TMPRSS11D: variants seen among roughly 807,000 people sequenced by gnomAD.
TMPRSS11D encodes the protein transmembrane protease serine 11D.
A neutral mutation model predicts 44.4 loss-of-function variants in TMPRSS11D; 32 were observed. The ratio of observed to expected loss-of-function variants is 0.72; its 90% CI spans 0.54 to 0.97. The LOEUF (loss-of-function observed/expected upper bound fraction) is 0.97, where lower values mean the gene tolerates loss of function less well. Ranked by LOEUF, TMPRSS11D falls within the 50% of genes least tolerant of loss-of-function variation. The pLI, the probability that TMPRSS11D is intolerant of heterozygous loss-of-function variation, is 0.00. For missense variants in TMPRSS11D, 446 were observed against 502.6 expected, an observed-to-expected ratio of 0.89 and a Z score of 1.08; for synonymous variants, 179 against 177.9, an observed-to-expected ratio of 1.01 and a Z score of -0.05.
chr4:67,850,945 G>A (rs925957766), intron 3 of TMPRSS11D, among the ~76,000 whole-genome samples: 1 of 152,128 alleles, frequency 6.6e-6, no homozygotes. Context: ...GATCTCACTG[G>A]ACCCATGTGG....
At chr4:67,878,898 C>A (rs1452919713) in intron 1 of TMPRSS11D, among the ~76,000 whole-genome samples, 1 of 152,054 alleles carries the variant, frequency 6.6e-6, no homozygotes, top group Non-Finnish European at 1.5e-5. Context: ...TGCACTCCAG[C>A]CTTGGGGAGA....
chr4:67,832,367 A>C (rs1717967300), intron 7 of TMPRSS11D, among the ~76,000 whole-genome samples: 1 of 152,110 alleles, frequency 6.6e-6, no homozygotes, highest in Non-Finnish European at 1.5e-5. Flanking sequence ...CCCCAGTAAC[A>C]AGGCAGGTTT....
In TMPRSS11D at chr4:67,873,842, C is replaced by G. The variant is rs74477273; in HGVS notation, c.8+10084G>C. On this transcript the variant is annotated intron_variant, in intron 1 of 9. Transcript: ENST00000283916. ...TACTGAAGGCATAATAGATCCTTCT[C>G]TGTTTCCTAAAGCCCAAGTAAATAG... 3.6e-3 allele frequency among the ~76,000 whole-genome samples: 549 copies of G among 152,180 alleles called. 2 individuals carry two copies. Among genetic ancestry groups the G allele is most frequent in the African/African-American group, 0.012 (513 of 41,514 alleles).
intron 1 of TMPRSS11D, among the ~76,000 whole-genome samples, chr4:67,868,813 G>C (rs1012481543): frequency 2.0e-5 from 3 of 152,220 alleles, no homozygotes; most frequent in African/African-American, 7.2e-5. Flanking sequence ...CAAGAGGCGG[G>C]AGTTATGAGG....
In TMPRSS11D at chr4:67,849,634, T is replaced by C. The variant is rs1718446206; in HGVS notation, c.249+4434A>G. On this transcript the variant is annotated intron_variant, in intron 3 of 9. Coordinates refer to ENST00000283916, the MANE Select transcript of TMPRSS11D (RefSeq NM_004262.3). ...AGATTTTTTGTGTAAGAATGTACTATAGAAATTATCTAGTCCAACTATTTT... is the reference window on the plus strand; with the variant it reads ...AGATTTTTTGTGTAAGAATGTACTACAGAAATTATCTAGTCCAACTATTTT... 2.0e-5 allele frequency among the ~76,000 whole-genome samples: 3 copies of C among 152,334 alleles called. No homozygotes were observed. In the South Asian group the frequency reaches 6.2e-4, roughly 32 times the overall value.
chr4:67,843,352 G>A (rs969488236), intron 3 of TMPRSS11D, among the ~76,000 whole-genome samples: 2 of 151,920 alleles, frequency 1.3e-5, no homozygotes, highest in East Asian at 1.9e-4. Context: ...ATAAGACCTC[G>A]TATTTAATAG....
intron 9 of TMPRSS11D, among the ~76,000 whole-genome samples, chr4:67,824,638 T>G (rs566198903): frequency 2.1e-4 from 32 of 152,240 alleles, no homozygotes; most frequent in African/African-American, 7.5e-4. Context: ...AATGTTTCAT[T>G]TTGGGAAATG....
intron 1 of TMPRSS11D, among the ~76,000 whole-genome samples, chr4:67,863,852 T>A (rs1718853491): frequency 6.6e-6 from 1 of 152,078 alleles, no homozygotes; most frequent in African/African-American, 2.4e-5. Context: ...TAGAGGCAAC[T>A]GAAGTATAAC....
chr4:67,840,295 A>G (rs7654481), intron 4 of TMPRSS11D, among the ~76,000 whole-genome samples: 104,352 of 151,824 alleles, frequency 0.69, 39,339 homozygotes, highest in Middle Eastern at 0.83. Context: ...TCTTTCTTAC[A>G]TGGTGGCAGG....
At chr4:67,874,905 T>A (rs1485274290) in intron 1 of TMPRSS11D, among the ~76,000 whole-genome samples, 1 of 152,202 alleles carries the variant, frequency 6.6e-6, no homozygotes, top group South Asian at 2.1e-4. Context: ...ATCATAATTG[T>A]TCTCATAGAA....
chr4:67,862,912 T>G (rs6810915), intron 1 of TMPRSS11D, among the ~76,000 whole-genome samples: 2 of 148,674 alleles, frequency 1.3e-5, no homozygotes, highest in African/African-American at 2.5e-5. Context: ...TGTTGTGGGG[T>G]GGGGGAGAGG....
At chr4:67,857,148 A>G (rs1718657871) in intron 2 of TMPRSS11D, among the ~76,000 whole-genome samples, 2 of 151,996 alleles carry the variant, frequency 1.3e-5, no homozygotes, top group Non-Finnish European at 2.9e-5. Context: ...ATCCAAAGGA[A>G]AAGAAATCAC....
At chr4:67,823,832 T>TC (rs1560535242) in intron 9 of TMPRSS11D, among the ~76,000 whole-genome samples, 1 of 151,904 alleles carries the variant, frequency 6.6e-6, no homozygotes, top group Non-Finnish European at 1.5e-5. Context: ...GTGTTTTTTT[T>TC]TCTATAGTGA....
intron 7 of TMPRSS11D, among the ~76,000 whole-genome samples, 191 bp downstream of exon 7, chr4:67,833,013 C>T (rs1184368863): frequency 6.6e-6 from 1 of 152,036 alleles, no homozygotes; most frequent in Non-Finnish European, 1.5e-5. Flanking sequence ...TTACCTGAAA[C>T]AGAGAAATAG....
chr4:67,842,613 A>G lies in TMPRSS11D; in HGVS notation c.262T>C (p.Phe88Leu), dbSNP rs1718260023. ...TGATTTCTTAAATTTGATTCTTTGAATGTTTTAGTAATCTGTAGAAAGAAA... is the reference window on the plus strand; with the variant it reads ...TGATTTCTTAAATTTGATTCTTTGAGTGTTTTAGTAATCTGTAGAAAGAAA... The part of the protein sequence containing the change: ...GRIESLITKT[F>L]KESNLRNQFI... Residue 88 changes from phenylalanine to leucine, a missense_variant, in exon 4 of 10, where the codon TTC (phenylalanine) becomes CTC (leucine). Phe to Leu is a conservative substitution (Grantham distance 22). Coordinates refer to ENST00000283916, the MANE Select transcript of TMPRSS11D (RefSeq NM_004262.3). The G allele has an allele frequency of 1.9e-6, 3 of 1,606,248 alleles. No homozygotes were observed. Among genetic ancestry groups the G allele is most frequent in the Non-Finnish European group, 8.5e-7 (1 of 1,177,968 alleles).
At chr4:67,854,383 G>C (rs1378240635) in intron 2 of TMPRSS11D, among the ~76,000 whole-genome samples, 197 bp from the exon 3 acceptor site, 1 of 151,984 alleles carries the variant, frequency 6.6e-6, no homozygotes, top group Non-Finnish European at 1.5e-5. Flanking sequence ...AAGCCAGAGT[G>C]GTGTAGATGT....
At chr4:67,872,765 A>G (rs981872693) in intron 1 of TMPRSS11D, among the ~76,000 whole-genome samples, 1 of 152,188 alleles carries the variant, frequency 6.6e-6, no homozygotes, top group Admixed American at 6.5e-5. Context: ...TCAGGTTTCA[A>G]TGCTATTTCC....
intron 1 of TMPRSS11D, among the ~76,000 whole-genome samples, chr4:67,863,705 C>T (rs1056110974): frequency 1.6e-4 from 23 of 145,280 alleles, no homozygotes; most frequent in South Asian, 2.3e-4. Flanking sequence ...TCACATTAAT[C>T]GTAACTATTT....
intron 3 of TMPRSS11D, among the ~76,000 whole-genome samples, chr4:67,846,179 C>T (rs1718352697): frequency 6.6e-6 from 1 of 152,106 alleles, no homozygotes; most frequent in South Asian, 2.1e-4. Flanking sequence ...CTATCTATTA[C>T]TATAATGGTC....
Sources: gnomAD v4.1 joint callset for allele counts (sites outside exome capture counted in the v4.1 genomes callset) on GRCh38, gnomAD v4.1.1 for gene constraint, MANE v1.5 for transcripts, NCBI Gene and HGNC (gene_info 2026-07-23, HGNC 2026-07-21) for gene names.